The following SDAD1 variants were observed in gnomAD, a reference collection of about 807,000 sequenced individuals.
SDAD1 encodes the protein SDA1 domain containing 1.
SDAD1 carries 79 observed loss-of-function variants against 100.3 expected under a neutral mutation model. The ratio of observed to expected loss-of-function variants is 0.79; its 90% CI spans 0.66 to 0.95. The LOEUF is 0.95. Ranked by LOEUF, SDAD1 falls within the 40% of genes least tolerant of loss-of-function variation. SDAD1 has a pLI of 0.00. For missense variants in SDAD1, 790 were observed against 810.9 expected (o/e 0.97, Z 0.31); for synonymous variants, 267 against 271.4 (o/e 0.98, Z 0.16).
chr4:75,956,155 T>A lies in SDAD1; in HGVS notation c.1855-19A>T. 3 of 1,586,582 alleles carry A rather than the reference T, an allele frequency of 1.9e-6. No homozygotes were observed. The highest frequency in any genetic ancestry group is 2.6e-6 in the Non-Finnish European group (3 of 1,171,190). On this transcript the variant is annotated intron_variant, in intron 20 of 21. Coordinates refer to ENST00000356260, the MANE Select transcript of SDAD1 (RefSeq NM_018115.4). ...TTCCAGCCTACCAGAACAAAAAGTT[T>A]GATATTTCTTCTTCAACAACATACT...
intron 4 of SDAD1, 43 bp from the exon 5 acceptor site, chr4:75,976,038 C>T (rs115497760): frequency 0.012 from 15,301 of 1,233,294 alleles, 119 homozygotes; most frequent in Middle Eastern, 0.034. Flanking sequence ...ACCTAACCAA[C>T]ATTTTTAACC....
intron 9 of SDAD1, among the ~76,000 whole-genome samples, chr4:75,970,749 A>G (rs573965076): frequency 6.6e-6 from 1 of 152,282 alleles, no homozygotes; most frequent in South Asian, 2.1e-4. Flanking sequence ...AGTTTTCCCC[A>G]TGCTATTCTC....
Position 75,960,205 on chromosome 4 carries a change from A to T in SDAD1, c.1357-13T>A, listed in dbSNP as rs755664286. 8 of 1,558,178 alleles carry T rather than the reference A, an allele frequency of 5.1e-6. No homozygotes were observed. The Admixed American group carries it at 8.7e-5, about 17-fold the overall frequency. On this transcript the variant is annotated splice_polypyrimidine_tract_variant and intron_variant, in intron 16 of 21. Transcript: ENST00000356260. ...CTGTAGGCTTACCCTAAAGGAAAAG[A>T]AATTGTTTGTAATAAGTTGCTTAGA...
chr4:75,957,376 G>A lies in SDAD1; in HGVS notation c.1803C>T (p.Arg601=). The A allele has an allele frequency of 1.9e-6, 3 of 1,614,078 alleles. No homozygotes were observed. The highest frequency in any genetic ancestry group is 2.5e-6 in the Non-Finnish European group (3 of 1,179,998). The change falls in exon 20 of 22, where the codon CGC becomes CGT. Residue 601 remains arginine (R), a synonymous_variant. Coordinates refer to ENST00000356260, the MANE Select transcript of SDAD1 (RefSeq NM_018115.4). ...GELLSLRDIE[R]LHKKPKSDKE... ...TGTCAGACTTTGGCTTTTTATGAAG[G>A]CGTTCAATGTCCCGAAGAGAAAGTA... is the stretch of plus-strand genomic sequence containing the variant.
At position 75,965,795 on chromosome 4, in the gene SDAD1, G is replaced by C. The variant is rs768171575; in HGVS notation, c.1073C>G (p.Ala358Gly). ...REVTKILLFA[A>G]QASHHLVPPE... ...GGGTACTAGGTGATGAGATGCTTGT[G>C]CAGCAAACAGAAGGATCTTGGTTAC... The change falls in exon 13 of 22, where the codon GCA becomes GGA. Residue 358 changes from alanine (A) to glycine (G), a missense_variant. Physicochemically the swap from Ala to Gly is moderately conservative, Grantham distance 60. Transcript: ENST00000356260. 1.2e-6 allele frequency: 2 copies of C among 1,613,776 alleles called. No individual in the cohort carries two copies. Among genetic ancestry groups the C allele is most frequent in the Non-Finnish European group, 1.7e-6 (2 of 1,179,812 alleles).
intron 13 of SDAD1, among the ~76,000 whole-genome samples, chr4:75,965,241 CCG>C: frequency 6.6e-6 from 1 of 152,274 alleles, no homozygotes; most frequent in Admixed American, 6.5e-5. Context: ...CCCCGGTCTC[CCG>C]TGGCACTCCC....
intron 20 of SDAD1, among the ~76,000 whole-genome samples, chr4:75,956,346 T>G (rs1214230105): frequency 6.6e-6 from 1 of 151,874 alleles, no homozygotes; most frequent in Non-Finnish European, 1.5e-5. Context: ...AAGTCATAAT[T>G]TAGCCTGGTG....
rs757520386 is a variant in SDAD1, at chr4:75,974,088, A to G, written c.624T>C (p.Ser208=). The G allele has an allele frequency of 1.2e-6, 2 of 1,613,800 alleles. No individual in the cohort carries two copies. Among genetic ancestry groups the G allele is most frequent in the Admixed American group, 3.3e-5 (2 of 60,020 alleles). The part of the protein sequence containing the change: ...TVNVITTACF[S]KVTKILVAAL... The stretch of plus-strand genomic sequence containing the variant: ...TATAGGTGCTCACCTTGGTGACCTT[A>G]GAGAAACATGCAGTTGTGATAACAT... Residue 208 remains serine, a synonymous_variant, in exon 7 of 22, where the codon TCT becomes TCC. Coordinates refer to ENST00000356260, the MANE Select transcript of SDAD1 (RefSeq NM_018115.4).
At chr4:75,982,675 CT>C (rs1730607130) in intron 1 of SDAD1, among the ~76,000 whole-genome samples, 1 of 151,950 alleles carries the variant, frequency 6.6e-6, no homozygotes, top group Admixed American at 6.6e-5. Context: ...TAAATGACCC[CT>C]ACTACCATAT....
chr4:75,973,415 C>G, intron 7 of SDAD1, 24 bp from the exon 8 acceptor site: 1 of 1,545,338 alleles, frequency 6.5e-7, no homozygotes, highest in Non-Finnish European at 8.9e-7. Flanking sequence ...AGAAAAAAGT[C>G]AGCTACTTGA....
chr4:75,990,446 G>C (rs1233889929), intron 1 of SDAD1, among the ~76,000 whole-genome samples: 4 of 152,170 alleles, frequency 2.6e-5, no homozygotes, highest in African/African-American at 9.7e-5. Context: ...GTTGGGTGCG[G>C]CCCATTTCTC....
intron 10 of SDAD1, among the ~76,000 whole-genome samples, chr4:75,970,028 C>A (rs2149319610): frequency 6.6e-6 from 1 of 151,652 alleles, no homozygotes; most frequent in South Asian, 2.1e-4. Context: ...CAAAAGACTG[C>A]CAGTTTATTT....
intron 20 of SDAD1, among the ~76,000 whole-genome samples, chr4:75,956,467 A>G (rs1392798825): frequency 6.6e-6 from 1 of 150,698 alleles, no homozygotes; most frequent in African/African-American, 2.4e-5. Context: ...GGAAAGACAG[A>G]GCATTTCCGG....
intron 17 of SDAD1, 127 bp downstream of exon 17, chr4:75,959,939 T>C (rs1729134605): frequency 1.0e-6 from 1 of 972,196 alleles, no homozygotes; most frequent in Non-Finnish European, 1.4e-6. Context: ...CTTCTAACAG[T>C]GCGTGGCACA....
chr4:75,982,443 T>A (rs968482390), intron 1 of SDAD1, among the ~76,000 whole-genome samples: 16 of 151,614 alleles, frequency 1.1e-4, no homozygotes, highest in African/African-American at 3.6e-4. Flanking sequence ...AGCCCAGGAG[T>A]TCGAGACCAA....
chr4:75,959,151 G>A (rs1729090510), intron 17 of SDAD1, among the ~76,000 whole-genome samples: 1 of 145,708 alleles, frequency 6.9e-6, no homozygotes, highest in Non-Finnish European at 1.5e-5. Context: ...CTTCCGAGGT[G>A]GACCTGACTG....
intron 1 of SDAD1, among the ~76,000 whole-genome samples, chr4:75,990,285 C>A (rs866756458): frequency 5.4e-5 from 8 of 149,396 alleles, no homozygotes; most frequent in South Asian, 2.2e-4. Flanking sequence ...CCCCCCCCCC[C>A]CCTTTCCTGG....
rs1305677436 is a variant in SDAD1 at position 75,967,286 on chromosome 4, G to A, written c.1036C>T (p.His346Tyr). The change falls in exon 12 of 22, where the codon CAC becomes TAC. Residue 346 changes from histidine to tyrosine, a missense_variant. By Grantham distance (83) the His-to-Tyr change is moderately conservative. Transcript: ENST00000356260. ...YPFLQRFLQP[H>Y]QREVTKILLF... is the part of the protein sequence containing the mutation. ...GCAAGTGGCAGCTTACCTCTTTGGT[G>A]GGGCTGCAGAAACCTTTGCAAAAAG... The A allele has an allele frequency of 6.2e-7, 1 of 1,613,960 alleles. No homozygotes were observed. Among genetic ancestry groups the A allele is most frequent in the African/African-American group, 1.3e-5 (1 of 74,926 alleles).
chr4:75,978,236 C>CTT (rs71210232), intron 3 of SDAD1, among the ~76,000 whole-genome samples: 1 of 93,988 alleles, frequency 1.1e-5, no homozygotes, highest in Non-Finnish European at 2.2e-5. Flanking sequence ...TGCCCCCCGC[C>CTT]TTTTTTTTTT....
Sources: allele counts gnomAD v4.1 joint callset (sites outside exome capture counted in the v4.1 genomes callset), GRCh38; gene constraint gnomAD v4.1.1; transcripts MANE v1.5; gene names NCBI Gene and HGNC (gene_info 2026-07-23, HGNC 2026-07-21).